ROBO1: variants seen among roughly 807,000 people sequenced by gnomAD.
ROBO1 encodes roundabout homolog 1.
Under a neutral mutation model 195.9 loss-of-function variants are expected in ROBO1, and 149 were observed. The ratio of observed to expected loss-of-function variants is 0.76; its 90% CI spans 0.67 to 0.87. The LOEUF (loss-of-function observed/expected upper bound fraction) is 0.87. ROBO1 is among the 40% of genes least tolerant of loss of function. The pLI is 0.00. For missense variants in ROBO1, 1,933 were observed against 2,068.3 expected, an observed-to-expected ratio of 0.93 and a Z score of 1.27; for synonymous variants, 816 against 733.2, an observed-to-expected ratio of 1.11 and a Z score of -1.82.
chr3:78,683,146 A>C (rs534551039), intron 10 of ROBO1, among the ~76,000 whole-genome samples: 3 of 149,204 alleles, frequency 2.0e-5, no homozygotes, highest in South Asian at 2.1e-4. Flanking sequence ...ACACACACAC[A>C]CCGTCACATC....
chr3:78,998,347 C>G (rs2077417300), intron 3 of ROBO1, among the ~76,000 whole-genome samples: 1 of 152,120 alleles, frequency 6.6e-6, no homozygotes, highest in Non-Finnish European at 1.5e-5. Context: ...AGTTTTATTT[C>G]AGGCCATGTT....
intron 4 of ROBO1, among the ~76,000 whole-genome samples, chr3:78,772,898 C>T (rs929712980): frequency 6.6e-6 from 1 of 151,990 alleles, no homozygotes; most frequent in Non-Finnish European, 1.5e-5. Context: ...AGGATTCCAT[C>T]CTAGGTTTGT....
chr3:79,300,322 C>T (rs1391528081), intron 2 of ROBO1, among the ~76,000 whole-genome samples: 3 of 152,326 alleles, frequency 2.0e-5, no homozygotes, highest in Non-Finnish European at 4.4e-5. Flanking sequence ...AGCAGCCCGC[C>T]GGCCCTGCCG....
At chr3:78,952,379 T>G (rs547376543) in intron 3 of ROBO1, among the ~76,000 whole-genome samples, 1 of 149,904 alleles carries the variant, frequency 6.7e-6, no homozygotes, top group Non-Finnish European at 1.5e-5. Context: ...TATAAAAATC[T>G]ATATATTTAT....
intron 1 of ROBO1, among the ~76,000 whole-genome samples, chr3:79,696,144 A>G (rs769475985): frequency 6.6e-6 from 1 of 151,412 alleles, no homozygotes; most frequent in Non-Finnish European, 1.5e-5. Context: ...TGCTTTCTAC[A>G]TATTTCAATT....
intron 1 of ROBO1, among the ~76,000 whole-genome samples, chr3:79,701,977 A>G (rs1302074523): frequency 1.3e-5 from 2 of 151,818 alleles, no homozygotes; most frequent in South Asian, 2.1e-4. Context: ...TAGACTATAT[A>G]TCTAAACTTC....
intron 1 of ROBO1, among the ~76,000 whole-genome samples, chr3:79,684,028 G>A (rs1031649400): frequency 2.0e-5 from 3 of 152,080 alleles, no homozygotes; most frequent in Non-Finnish European, 2.9e-5. Context: ...TTGCCAAAAT[G>A]TTCTCCAAAG....
intron 4 of ROBO1, among the ~76,000 whole-genome samples, chr3:78,784,222 C>A (rs539690549): frequency 2.6e-5 from 4 of 152,012 alleles, no homozygotes; most frequent in African/African-American, 9.7e-5. Context: ...AAACTACCTT[C>A]TAAATACTCA....
intron 1 of ROBO1, among the ~76,000 whole-genome samples, chr3:79,622,405 G>A (rs968532272): frequency 1.3e-5 from 2 of 152,216 alleles, no homozygotes; most frequent in African/African-American, 4.8e-5. Context: ...AGCTGGTACT[G>A]GGACTCACAG....
At chr3:79,753,902 T>G (rs1704251060) in intron 1 of ROBO1, among the ~76,000 whole-genome samples, 1 of 152,188 alleles carries the variant, frequency 6.6e-6, no homozygotes, top group Non-Finnish European at 1.5e-5. Context: ...TTTGGCAACT[T>G]TAAACATTTA....
intron 5 of ROBO1, among the ~76,000 whole-genome samples, chr3:78,742,481 GAAAAT>G (rs1336825529): frequency 1.3e-5 from 2 of 151,972 alleles, no homozygotes; most frequent in African/African-American, 4.8e-5. Context: ...CCTAAAGGAA[GAAAAT>G]AAAACAAAAA....
chr3:79,273,148 C>A (rs1423091950), intron 2 of ROBO1, among the ~76,000 whole-genome samples: 4 of 152,008 alleles, frequency 2.6e-5, no homozygotes, highest in African/African-American at 7.2e-5. Context: ...CATTAATGAG[C>A]ACTAAGAAAT....
intron 5 of ROBO1, among the ~76,000 whole-genome samples, chr3:78,733,798 T>G (rs2082334588): frequency 6.6e-6 from 1 of 152,276 alleles, no homozygotes; most frequent in Admixed American, 6.5e-5. Context: ...TGGGAGAAAT[T>G]TAATGGCCTG....
chr3:78,709,002 A>G (rs1253414292), intron 8 of ROBO1, among the ~76,000 whole-genome samples: 1 of 152,212 alleles, frequency 6.6e-6, no homozygotes, highest in Non-Finnish European at 1.5e-5. Flanking sequence ...TTTTAGGTTC[A>G]CAAAAAGATT....
intron 3 of ROBO1, among the ~76,000 whole-genome samples, chr3:79,028,214 T>C (rs1418263884): frequency 6.6e-6 from 1 of 152,010 alleles, no homozygotes; most frequent in Non-Finnish European, 1.5e-5. Flanking sequence ...GAAAAAATAT[T>C]CCAATAATTC....
intron 2 of ROBO1, among the ~76,000 whole-genome samples, chr3:79,500,079 A>T (rs944293992): frequency 1.4e-5 from 2 of 142,484 alleles, no homozygotes; most frequent in African/African-American, 2.6e-5. Context: ...AAGTGCTGAG[A>T]TTACAGTCGT....
intron 8 of ROBO1, among the ~76,000 whole-genome samples, chr3:78,691,128 G>T (rs1030080268): frequency 6.6e-6 from 1 of 152,066 alleles, no homozygotes; most frequent in African/African-American, 2.4e-5. Context: ...ATCAGTTGCA[G>T]TAGATATATC....
In ROBO1 at chr3:78,627,303, A is replaced by C; in HGVS notation, c.3875+18T>G. The C allele has an allele frequency of 6.2e-7, 1 of 1,604,640 alleles. No individual in the cohort carries two copies. The highest frequency in any genetic ancestry group is 1.1e-5 in the South Asian group (1 of 89,806). ...AAATTATCTGATTTGTTAGCAAAGAAGGCTAGTGACAACATACCTCCTGTC... is the reference window on the plus strand; with the variant it reads ...AAATTATCTGATTTGTTAGCAAAGACGGCTAGTGACAACATACCTCCTGTC... On this transcript the variant is annotated intron_variant, in intron 26 of 30. Coordinates refer to ENST00000464233, the MANE Select transcript of ROBO1 (RefSeq NM_002941.4).
intron 3 of ROBO1, among the ~76,000 whole-genome samples, chr3:78,963,263 A>G (rs1301967079): frequency 5.9e-5 from 9 of 152,100 alleles, no homozygotes; most frequent in Admixed American, 4.6e-4. Context: ...TATGGGATGA[A>G]GTACCAAAAG....
Sources: allele counts gnomAD v4.1 joint callset (sites outside exome capture counted in the v4.1 genomes callset), GRCh38; gene constraint gnomAD v4.1.1; transcripts MANE v1.5; gene names NCBI Gene and HGNC (gene_info 2026-07-23, HGNC 2026-07-21).